CSMD1: variants seen among roughly 807,000 people sequenced by gnomAD.
CSMD1 encodes the protein CUB and sushi domain-containing protein 1.
A neutral mutation model predicts 417.5 loss-of-function variants in CSMD1; 213 were observed. The ratio of observed to expected loss-of-function variants is 0.51; its 90% CI spans 0.46 to 0.57. CSMD1 has a LOEUF of 0.57. Among genes scored for constraint, CSMD1 ranks in the 20% least tolerant of loss-of-function variants. CSMD1 has a pLI of 0.00. For missense variants in CSMD1, 6,923 were observed against 4,529.7 expected (o/e 1.53, Z -15.17); for synonymous variants, 2,862 against 1,736.8 (o/e 1.65, Z -16.11).
rs751426327 is a variant in CSMD1, at chr8:2,963,400, T to C, written c.9281-5A>G. On this transcript the variant is annotated splice_polypyrimidine_tract_variant and splice_region_variant and intron_variant, in intron 59 of 69. Coordinates refer to ENST00000635120, the MANE Select transcript of CSMD1 (RefSeq NM_033225.6). Reference sequence around the variant, plus strand: ...GCGGCTGAGGACACAGCACGGCTATTTCCAAAGAACAAACAAGATCAACAT... The same window carrying C: ...GCGGCTGAGGACACAGCACGGCTATCTCCAAAGAACAAACAAGATCAACAT... 1 of 1,613,174 alleles carries C rather than the reference T, an allele frequency of 6.2e-7. No individual in the cohort carries two copies. Among genetic ancestry groups the C allele is most frequent in the Non-Finnish European group, 8.5e-7 (1 of 1,179,200 alleles).
At chr8:4,046,892 C>T (rs1009578359) in intron 3 of CSMD1, among the ~76,000 whole-genome samples, 1 of 152,040 alleles carries the variant, frequency 6.6e-6, no homozygotes, top group Non-Finnish European at 1.5e-5. Context: ...ACAATGAGGC[C>T]ATCTAAAAAT....
chr8:4,772,831 G>A (rs1443185813), intron 1 of CSMD1, among the ~76,000 whole-genome samples: 2 of 152,134 alleles, frequency 1.3e-5, no homozygotes, highest in African/African-American at 4.8e-5. Context: ...TCCTAAGTTT[G>A]ATATGTATGT....
Position 3,304,409 on chromosome 8 carries a change from T to C in CSMD1, c.3950+3286A>G, listed in dbSNP as rs905275512. Among the ~76,000 whole-genome samples, 5 of 152,280 alleles carry C rather than the reference T, an allele frequency of 3.3e-5. No individual in the cohort carries two copies. The South Asian group carries it at 8.3e-4, about 25-fold the overall frequency. Reference sequence around the variant, plus strand: ...AAGTACATGATATACAATTTTAGTATATTATGTACTTCTAATTATGGTTTT... The same window carrying C: ...AAGTACATGATATACAATTTTAGTACATTATGTACTTCTAATTATGGTTTT... On this transcript the variant is annotated intron_variant, in intron 25 of 69. Transcript: ENST00000635120.
intron 3 of CSMD1, among the ~76,000 whole-genome samples, chr8:4,118,368 C>A (rs1585351862): frequency 6.7e-6 from 1 of 149,552 alleles, no homozygotes; most frequent in African/African-American, 2.5e-5. Context: ...AAATGTCTAA[C>A]ATCCAGAATC....
intron 6 of CSMD1, 23 bp from the exon 7 acceptor site, chr8:3,708,514 A>G (rs1178998806): frequency 1.2e-6 from 2 of 1,604,940 alleles, no homozygotes; most frequent in Non-Finnish European, 1.7e-6. Flanking sequence ...AAACCAAGCC[A>G]TTAGCAGGTA....
intron 3 of CSMD1, among the ~76,000 whole-genome samples, chr8:4,396,121 C>G (rs1446287714): frequency 2.0e-5 from 3 of 151,968 alleles, no homozygotes; most frequent in African/African-American, 7.3e-5. Flanking sequence ...AGTTTTACTA[C>G]TGTAATGGGA....
intron 3 of CSMD1, among the ~76,000 whole-genome samples, chr8:4,404,394 A>T (rs1563138383): frequency 6.6e-6 from 1 of 152,144 alleles, no homozygotes; most frequent in Non-Finnish European, 1.5e-5. Context: ...TGTATATGTA[A>T]TCTCTAGAAA....
Position 3,529,325 on chromosome 8 carries a change from T to C in CSMD1, c.1345-35599A>G, listed in dbSNP as rs1322500586. On this transcript the variant is annotated intron_variant, in intron 10 of 69. Coordinates refer to ENST00000635120, the MANE Select transcript of CSMD1 (RefSeq NM_033225.6). Reference sequence around the variant, plus strand: ...AAATAAGCAGCTTTGAAGTTGCACATGGCCAACACACTTAAGTGTACTAAA... The same window carrying C: ...AAATAAGCAGCTTTGAAGTTGCACACGGCCAACACACTTAAGTGTACTAAA... 4.6e-5 allele frequency among the ~76,000 whole-genome samples: 7 copies of C among 152,298 alleles called. No individual in the cohort carries two copies. The South Asian group carries it at 1.0e-3, about 23-fold the overall frequency.
chr8:4,717,346 T>TAC (rs1332915467), intron 1 of CSMD1, among the ~76,000 whole-genome samples: 1 of 138,482 alleles, frequency 7.2e-6, no homozygotes, highest in Non-Finnish European at 1.5e-5. Flanking sequence ...CACGTATATA[T>TAC]ACACACACAT....
intron 10 of CSMD1, among the ~76,000 whole-genome samples, chr8:3,535,551 G>C (rs530174265): frequency 5.3e-5 from 8 of 152,092 alleles, no homozygotes; most frequent in African/African-American, 1.9e-4. Context: ...GAAGGGGGCT[G>C]GTGGGTAGGA....
intron 18 of CSMD1, among the ~76,000 whole-genome samples, chr8:3,375,559 TA>T (rs1398955538): frequency 1.3e-5 from 2 of 152,124 alleles, no homozygotes; most frequent in African/African-American, 4.8e-5. Context: ...ACATTATATA[TA>T]TTTTTATGAA....
At chr8:3,845,622 T>A (rs1387195664) in intron 5 of CSMD1, among the ~76,000 whole-genome samples, 1 of 152,180 alleles carries the variant, frequency 6.6e-6, no homozygotes, top group African/African-American at 2.4e-5. Flanking sequence ...AAATGCAGTG[T>A]ACTTAGGCAC....
intron 2 of CSMD1, among the ~76,000 whole-genome samples, chr8:4,541,095 T>A (rs1471615060): frequency 6.6e-6 from 1 of 152,210 alleles, no homozygotes; most frequent in Non-Finnish European, 1.5e-5. Context: ...CAAAATGCTA[T>A]TGTCTGGAGA....
At chr8:3,434,484 T>C (rs1187324835) in intron 12 of CSMD1, among the ~76,000 whole-genome samples, 2 of 152,228 alleles carry the variant, frequency 1.3e-5, no homozygotes, top group African/African-American at 2.4e-5. Context: ...TTAATATGTG[T>C]TTTCACTGCA....
At chr8:3,938,697 C>G (rs535885199) in intron 5 of CSMD1, among the ~76,000 whole-genome samples, 144 of 152,280 alleles carry the variant, frequency 9.5e-4, no homozygotes, top group African/African-American at 3.3e-3. Flanking sequence ...GGAGTTGACT[C>G]TACAACAATT....
chr8:4,532,352 T>A, intron 2 of CSMD1, among the ~76,000 whole-genome samples: 1 of 145,832 alleles, frequency 6.9e-6, no homozygotes, highest in East Asian at 2.1e-4. Flanking sequence ...GAAAGAGAAA[T>A]CCTGCACCCG....
intron 7 of CSMD1, among the ~76,000 whole-genome samples, chr8:3,701,945 G>A (rs1201534668): frequency 1.3e-5 from 2 of 152,070 alleles, no homozygotes; most frequent in Non-Finnish European, 2.9e-5. Flanking sequence ...GGAAACTAGG[G>A]GCGAATATCA....
chr8:2,948,585 T>A lies in CSMD1; in HGVS notation c.10402+714A>T, dbSNP rs914260375. ...AATAATAATTGTTTCATAGGTAGTA[T>A]AATTTGTTACATAAAAATACTCATT... On this transcript the variant is annotated intron_variant, in intron 68 of 69. Transcript: ENST00000635120. Among the ~76,000 whole-genome samples the A allele has an allele frequency of 2.6e-5, 4 of 152,190 alleles. No individual in the cohort carries two copies. In the South Asian group the frequency reaches 8.3e-4, roughly 31 times the overall value.
chr8:4,404,444 G>C (rs534355715), intron 3 of CSMD1, among the ~76,000 whole-genome samples: 1 of 152,214 alleles, frequency 6.6e-6, no homozygotes, highest in South Asian at 2.1e-4. Context: ...GTCAAGCAAC[G>C]AAAGTAATTT....
Sources: gnomAD v4.1 joint callset for allele counts (sites outside exome capture counted in the v4.1 genomes callset) on GRCh38, gnomAD v4.1.1 for gene constraint, MANE v1.5 for transcripts, NCBI Gene and HGNC (gene_info 2026-07-23, HGNC 2026-07-21) for gene names.